The following DSE variants were observed in gnomAD, a reference collection of about 807,000 sequenced individuals.
DSE encodes dermatan-sulfate epimerase.
A neutral mutation model predicts 84.4 loss-of-function variants in DSE; 36 were observed. The observed-to-expected ratio is 0.43, with a 90% CI of 0.33 to 0.56. The LOEUF is 0.56. Among genes scored for constraint, DSE ranks in the 20% least tolerant of loss-of-function variants. The pLI is 0.06. For synonymous variants in DSE, 410 were observed against 430.1 expected (o/e 0.95, Z 0.58); for missense variants, 862 against 1,169.6 (o/e 0.74, Z 3.84).
chr6:116,437,418 C>G lies in DSE; in HGVS notation c.*73C>G. ...TGCAAAAAAAAAAATTTCTTTACCC[C>G]AGATTATCAGATTTTTTTCCCTCAG... is the stretch of plus-strand genomic sequence containing the variant. On this transcript the variant is annotated 3_prime_UTR_variant, in exon 6 of 6. Transcript: ENST00000644252. The G allele has an allele frequency of 7.6e-7, 1 of 1,317,608 alleles. No individual in the cohort carries two copies. Among genetic ancestry groups the G allele is most frequent in the Non-Finnish European group, 1.0e-6 (1 of 989,156 alleles). The allele number at this position is 1,317,608 out of a possible 1,614,324, so 81.6% of individuals were successfully genotyped here.
chr6:116,430,259 C>G (rs1001291804), intron 3 of DSE, among the ~76,000 whole-genome samples: 1 of 152,172 alleles, frequency 6.6e-6, no homozygotes, highest in African/African-American at 2.4e-5. Context: ...AGGTTACCTT[C>G]TAATGACAAT....
Position 116,443,148 on chromosome 6 carries a change from A to G in DSE, c.*5803A>G, listed in dbSNP as rs1784479771. On this transcript the variant is annotated 3_prime_UTR_variant, in exon 6 of 6. Coordinates refer to ENST00000644252, the MANE Select transcript of DSE (RefSeq NM_013352.4). ...ATTTCCATAGTCTGGGTAGAAGACA[A>G]TTAGCTCCTTGAATAAGTCTGGAGA... 1.3e-5 allele frequency: 2 copies of G among 152,272 alleles called. No individual in the cohort carries two copies. The highest frequency in any genetic ancestry group is 4.1e-4 in the South Asian group (2 of 4,836). The allele number at this position is 152,272 out of a possible 1,614,324, so 9.4% of individuals were successfully genotyped here. A position where few individuals can be genotyped will look rare whatever the true frequency, so the allele number is the denominator to read the frequency against.
chr6:116,270,909 AT>A (rs1428636750), intron 2 of DSE, among the ~76,000 whole-genome samples: 1 of 152,126 alleles, frequency 6.6e-6, no homozygotes, highest in African/African-American at 2.4e-5. Flanking sequence ...CTGAGCCCCT[AT>A]TTCCCTATCC....
At chr6:116,264,318 C>G (rs1313910623) in intron 2 of DSE, among the ~76,000 whole-genome samples, 1 of 152,010 alleles carries the variant, frequency 6.6e-6, no homozygotes, top group African/African-American at 2.4e-5. Flanking sequence ...CTATTCTTGT[C>G]TGACTAGCCA....
intron 5 of DSE, among the ~76,000 whole-genome samples, chr6:116,434,219 G>A (rs488217): frequency 0.66 from 100,414 of 152,004 alleles, 33,643 homozygotes; most frequent in Admixed American, 0.73. Context: ...TGCCAAATAT[G>A]TTGTTGGCAT....
intron 2 of DSE, among the ~76,000 whole-genome samples, chr6:116,338,611 T>A (rs1037964934): frequency 6.6e-6 from 1 of 152,148 alleles, no homozygotes; most frequent in Non-Finnish European, 1.5e-5. Flanking sequence ...AACCAAAGAT[T>A]ACCTTTGGCT....
intron 1 of DSE, among the ~76,000 whole-genome samples, chr6:116,393,901 A>G (rs1336612652): frequency 1.3e-5 from 2 of 152,216 alleles, no homozygotes; most frequent in Non-Finnish European, 2.9e-5. Context: ...ACAGTCCCAG[A>G]TCATTTGAAA....
intron 2 of DSE, among the ~76,000 whole-genome samples, chr6:116,274,050 G>A (rs550646546): frequency 6.6e-6 from 1 of 151,206 alleles, no homozygotes; most frequent in Admixed American, 6.6e-5. Flanking sequence ...GGCTGGTCTC[G>A]AACTCCTGAC....
chr6:116,257,701 A>T (rs565138278), intron 1 of DSE, among the ~76,000 whole-genome samples: 1 of 152,108 alleles, frequency 6.6e-6, no homozygotes, highest in Non-Finnish European at 1.5e-5. Flanking sequence ...GTGTCCTCAC[A>T]TGCAAAAAGG....
chr6:116,285,636 G>T (rs1773850242), intron 2 of DSE, among the ~76,000 whole-genome samples: 1 of 152,146 alleles, frequency 6.6e-6, no homozygotes, highest in African/African-American at 2.4e-5. Context: ...TTTTCTTCTA[G>T]GGTTTTTGTG....
In DSE at chr6:116,436,314, A is replaced by G; in HGVS notation, c.1846A>G (p.Met616Val). Residue 616 changes from methionine to valine, a missense_variant, in exon 6 of 6, where the codon ATG becomes GTG. By Grantham distance (21) the Met-to-Val change is conservative. This residue lies in a region of DSE where 186 missense variants were observed against 255.1 expected (regional missense o/e 0.73). Coordinates refer to ENST00000644252, the MANE Select transcript of DSE (RefSeq NM_013352.4). The part of the protein sequence containing the change: ...FIRQRDGLYK[M>V]YWMDDTGYSE... ...CAGGCAGAGAGATGGTCTCTATAAA[A>G]TGTACTGGATGGACGATACTGGCTA... is the stretch of plus-strand genomic sequence containing the variant. 1 of 1,614,128 alleles carries G rather than the reference A, an allele frequency of 6.2e-7. No homozygotes were observed. The highest frequency in any genetic ancestry group is 2.2e-5 in the East Asian group (1 of 44,880).
At chr6:116,416,882 A>G (rs1338503718) in intron 2 of DSE, among the ~76,000 whole-genome samples, 2 of 152,230 alleles carry the variant, frequency 1.3e-5, no homozygotes, top group Non-Finnish European at 2.9e-5. Flanking sequence ...TTACACATAC[A>G]GTTGTAAAAC....
chr6:116,296,550 G>T (rs1774678885), intron 2 of DSE, among the ~76,000 whole-genome samples: 1 of 152,220 alleles, frequency 6.6e-6, no homozygotes, highest in Admixed American at 6.5e-5. Context: ...AAGGTTTTGT[G>T]TGGAGGTGAT....
At chr6:116,289,977 A>G (rs959816934) in intron 2 of DSE, among the ~76,000 whole-genome samples, 3 of 152,136 alleles carry the variant, frequency 2.0e-5, no homozygotes, top group Admixed American at 6.6e-5. Context: ...TTACTACATA[A>G]TAGATACTGT....
At chr6:116,401,207 CAATG>C (rs1747897294) in intron 2 of DSE, 4 of 151,984 alleles carry the variant, frequency 2.6e-5, no homozygotes, top group Non-Finnish European at 1.5e-5. Context: ...ATATAAATAC[CAATG>C]AATGAATGCT....
intron 2 of DSE, among the ~76,000 whole-genome samples, chr6:116,323,460 GATA>G (rs2114768482): frequency 6.6e-6 from 1 of 152,298 alleles, no homozygotes; most frequent in African/African-American, 2.4e-5. Flanking sequence ...CAGCAAGGCA[GATA>G]ATAATTACTT....
chr6:116,355,947 C>G (rs73767751), intron 2 of DSE: 7 of 152,168 alleles, frequency 4.6e-5, no homozygotes, highest in Non-Finnish European at 8.8e-5. Flanking sequence ...TCTTCCAGCT[C>G]ACATACTAGA....
At chr6:116,402,417 T>C (rs2115001789) in intron 2 of DSE, among the ~76,000 whole-genome samples, 1 of 152,314 alleles carries the variant, frequency 6.6e-6, no homozygotes, top group South Asian at 2.1e-4. Flanking sequence ...GCGTGAGCAT[T>C]AGTGTCCTGA....
Position 116,433,408 on chromosome 6 carries a change from T to G in DSE, c.976T>G (p.Leu326Val). 6.4e-7 allele frequency: 1 copy of G among 1,551,688 alleles called. No individual in the cohort carries two copies. ...CTGGTTTTATGGTCCAGAAAGCCAA[T>G]TAGTGTTCCTTGATAAATTTGTCAT... ...YNWFYGPESQ[L>V]VFLDKFVMRN... Residue 326 changes from leucine to valine, a missense_variant, in exon 5 of 6, where the codon TTA becomes GTA. By Grantham distance (32) the Leu-to-Val change is conservative. Around this residue, in one of 4 missense-constraint regions of DSE, gnomAD observed 309 missense variants for 516.9 expected, o/e 0.60. Coordinates refer to ENST00000644252, the MANE Select transcript of DSE (RefSeq NM_013352.4).
Sources: gnomAD v4.1 joint callset for allele counts (sites outside exome capture counted in the v4.1 genomes callset) on GRCh38, gnomAD v4.1.1 for gene constraint, gnomAD v4.1.1 regional missense constraint, MANE v1.5 for transcripts, NCBI Gene and HGNC (gene_info 2026-07-23, HGNC 2026-07-21) for gene names.